ZNF559: variants seen among roughly 807,000 people sequenced by gnomAD.
ZNF559 encodes putative protein product of Nbla00121.
Under a neutral mutation model 14.2 loss-of-function variants are expected in ZNF559, and 17 were observed. The ratio of observed to expected loss-of-function variants is 1.20; its 90% CI spans 0.82 to 1.80. ZNF559 has a LOEUF of 1.80. Among genes scored for constraint, ZNF559 ranks in the 40% most tolerant of loss-of-function variants. The pLI is 0.00. For missense variants in ZNF559, 740 were observed against 629.7 expected (o/e 1.18, Z -1.88); for synonymous variants, 244 against 212.4 (o/e 1.15, Z -1.29).
At chr19:9,336,845 A>G (rs2067267416) in intron 2 of ZNF559, among the ~76,000 whole-genome samples, 1 of 152,170 alleles carries the variant, frequency 6.6e-6, no homozygotes, top group Non-Finnish European at 1.5e-5. Flanking sequence ...AAAGATGTCT[A>G]AATTCAATAA....
chr19:9,324,677 G>C lies in ZNF559; in HGVS notation c.-205-18G>C, dbSNP rs1037171230. ...AAAAAAAGTCTCCACATCCAGCGTT[G>C]TGCCTTTTCTCTATAAGGAACAGCA... On this transcript the variant is annotated intron_variant, in intron 1 of 6. Coordinates refer to ENST00000603380, the MANE Select transcript of ZNF559 (RefSeq NM_032497.3). 3 of 1,484,388 alleles carry C rather than the reference G, an allele frequency of 2.0e-6. No homozygotes were observed. The highest frequency in any genetic ancestry group is 2.9e-5 in the African/African-American group (2 of 69,110). 92.0% of individuals were successfully genotyped at this position (1,484,388 alleles called of 1,614,324 possible).
At chr19:9,335,331 G>A (rs2067178579) in intron 2 of ZNF559, among the ~76,000 whole-genome samples, 1 of 151,964 alleles carries the variant, frequency 6.6e-6, no homozygotes, top group Non-Finnish European at 1.5e-5. Context: ...GGGTGTGGTG[G>A]TGGCTTTTGC....
intron 2 of ZNF559, among the ~76,000 whole-genome samples, chr19:9,327,607 A>C (rs935951604): frequency 6.6e-6 from 1 of 152,118 alleles, no homozygotes; most frequent in Non-Finnish European, 1.5e-5. Context: ...TTTTACATTG[A>C]GAGGTTAACA....
intron 2 of ZNF559, among the ~76,000 whole-genome samples, chr19:9,327,112 T>G (rs2066651730): frequency 6.6e-6 from 1 of 152,206 alleles, no homozygotes. Flanking sequence ...ACGCATTTGG[T>G]CAAGGTACTC....
intron 2 of ZNF559, among the ~76,000 whole-genome samples, chr19:9,334,027 A>C (rs905494702): frequency 2.0e-5 from 3 of 152,258 alleles, no homozygotes; most frequent in African/African-American, 7.2e-5. Flanking sequence ...GAGTTTGTGT[A>C]TACTTTTAGT....
chr19:9,335,718 A>G (rs1301157932), intron 2 of ZNF559, among the ~76,000 whole-genome samples: 1 of 152,132 alleles, frequency 6.6e-6, no homozygotes, highest in Non-Finnish European at 1.5e-5. Flanking sequence ...TGGTTTTTGT[A>G]GAGACGGGGT....
intron 2 of ZNF559, among the ~76,000 whole-genome samples, chr19:9,336,995 G>A: frequency 6.6e-6 from 1 of 152,174 alleles, no homozygotes; most frequent in East Asian, 1.9e-4. Context: ...AAAGGGAAAA[G>A]ATGAATGAAG....
At position 9,338,582 on chromosome 19, in the gene ZNF559, G is replaced by C; in HGVS notation, c.33G>C (p.Gln11His). Residue 11 changes from glutamine to histidine, a missense_variant and splice_region_variant, in exon 4 of 7, where the codon CAG becomes CAC. Coordinates refer to ENST00000603380, the MANE Select transcript of ZNF559 (RefSeq NM_032497.3). Reference sequence around the variant, plus strand: ...CTGGGTGGTTGACAAATTACTCTCAGGTAAGTAGGAAATTGCTTTTTCTGT... The same window carrying C: ...CTGGGTGGTTGACAAATTACTCTCACGTAAGTAGGAAATTGCTTTTTCTGT... MVAGWLTNYS[Q>H]DSVTFEDVAV... The C allele has an allele frequency of 6.2e-7, 1 of 1,612,432 alleles. No individual in the cohort carries two copies. Among genetic ancestry groups the C allele is most frequent in the Non-Finnish European group, 8.5e-7 (1 of 1,178,554 alleles).
intron 4 of ZNF559, 139 bp downstream of exon 4, chr19:9,338,721 C>T: frequency 4.7e-6 from 3 of 633,046 alleles, no homozygotes; most frequent in Non-Finnish European, 8.4e-6. Context: ...CTTCTTCGGA[C>T]CACAGGGCCT....
intron 1 of ZNF559, 187 bp downstream of exon 1, chr19:9,324,415 A>G (rs2066449834): frequency 6.9e-7 from 1 of 1,448,162 alleles, no homozygotes; most frequent in African/African-American, 1.4e-5. Context: ...GTCTGTCCTC[A>G]GGGGTCGAGG....
At chr19:9,325,949 A>G (rs1306509100) in intron 2 of ZNF559, among the ~76,000 whole-genome samples, 1 of 152,108 alleles carries the variant, frequency 6.6e-6, no homozygotes, top group Admixed American at 6.5e-5. Flanking sequence ...AAGTGAAGAC[A>G]AGCTTAAAAC....
chr19:9,327,303 A>G (rs2066670619), intron 2 of ZNF559, among the ~76,000 whole-genome samples: 1 of 151,604 alleles, frequency 6.6e-6, no homozygotes, highest in Admixed American at 6.6e-5. Context: ...GCTGGAGTAC[A>G]GTGGCGTGAT....
At position 9,344,785 on chromosome 19, in the gene ZNF559, AATG is replaced by A. The variant is rs1429503709; in HGVS notation, c.*1720_*1722del. On this transcript the variant is annotated 3_prime_UTR_variant, in exon 7 of 7. Coordinates refer to ENST00000603380, the MANE Select transcript of ZNF559 (RefSeq NM_032497.3). Reference sequence around the variant, plus strand: ...TGAGTCTTTGGTGAAGTGTACATTTAATGATCTTTTTTCACTGTTGCTGAGAAT... The same window carrying A: ...TGAGTCTTTGGTGAAGTGTACATTTAATCTTTTTTCACTGTTGCTGAGAAT... 1.3e-5 allele frequency: 2 copies of A among 152,240 alleles called. No homozygotes were observed. The highest frequency in any genetic ancestry group is 2.9e-5 in the Non-Finnish European group (2 of 68,040). The allele number at this position is 152,240 out of a possible 1,614,324, so 9.4% of individuals were successfully genotyped here. A position where few individuals can be genotyped will look rare whatever the true frequency, so the allele number is the denominator to read the frequency against.
rs2067676213 is a variant in ZNF559 at position 9,343,920 on chromosome 19, A to G, written c.*852A>G. 3.3e-6 allele frequency: 2 copies of G among 606,906 alleles called. No individual in the cohort carries two copies. Among genetic ancestry groups the G allele is most frequent in the South Asian group, 7.3e-5 (1 of 13,648 alleles). 37.6% of individuals were successfully genotyped at this position (606,906 alleles called of 1,614,324 possible). ...ATTGAGGAGTTCCACTCTTTCCCCC[A>G]TTTGTCACTACTACACTTCCCTAGT... On this transcript the variant is annotated 3_prime_UTR_variant, in exon 7 of 7. Transcript: ENST00000603380.
intron 2 of ZNF559, among the ~76,000 whole-genome samples, chr19:9,335,183 A>C (rs1415223062): frequency 6.6e-6 from 1 of 151,522 alleles, no homozygotes; most frequent in Non-Finnish European, 1.5e-5. Flanking sequence ...CACACCGGTA[A>C]TCCAGCACGT....
At position 9,324,779 on chromosome 19, in the gene ZNF559, C is replaced by T. The variant is rs774822320; in HGVS notation, c.-121C>T. 5 of 1,535,924 alleles carry T rather than the reference C, an allele frequency of 3.3e-6. No homozygotes were observed. The highest frequency in any genetic ancestry group is 4.4e-6 in the Non-Finnish European group (5 of 1,146,772). On this transcript the variant is annotated splice_region_variant and 5_prime_UTR_variant, in exon 2 of 7. Coordinates refer to ENST00000603380, the MANE Select transcript of ZNF559 (RefSeq NM_032497.3). Reference sequence around the variant, plus strand: ...GCAACCTGACAATTCTGTCGTGTCCCGGTGAGCACTTCATGCACTTGTTCT... The same window carrying T: ...GCAACCTGACAATTCTGTCGTGTCCTGGTGAGCACTTCATGCACTTGTTCT...
At chr19:9,341,046 C>G (rs78740264) in intron 5 of ZNF559, 56 bp from the exon 6 acceptor site, 3 of 1,391,536 alleles carry the variant, frequency 2.2e-6, no homozygotes, top group Non-Finnish European at 3.0e-6. Context: ...TTTTTAACAC[C>G]CTTTTTAAAA....
chr19:9,340,733 A>ATTTTTTTTTTTTTTTTTT (rs201367378), intron 5 of ZNF559, among the ~76,000 whole-genome samples: 32 of 124,644 alleles, frequency 2.6e-4, no homozygotes, highest in African/African-American at 5.3e-4. Flanking sequence ...TGCCTGGCTA[A>ATTTTTTTTTTTTTTTTTT]TTTTTTTTTT....
chr19:9,324,906 A>T (rs944067236), intron 2 of ZNF559, 126 bp downstream of exon 2: 6 of 746,740 alleles, frequency 8.0e-6, no homozygotes, highest in Non-Finnish European at 1.3e-5. Flanking sequence ...CATCGAATGC[A>T]TGAGTGGATG....
Sources: gnomAD v4.1 joint callset for allele counts (sites outside exome capture counted in the v4.1 genomes callset) on GRCh38, gnomAD v4.1.1 for gene constraint, MANE v1.5 for transcripts, NCBI Gene and HGNC (gene_info 2026-07-23, HGNC 2026-07-21) for gene names.